Variants in RANBP17 observed in about 807,000 individuals in gnomAD.
The protein encoded by RANBP17 is ran-binding protein 17.
A neutral mutation model predicts 141.2 loss-of-function variants in RANBP17; 158 were observed. The ratio of observed to expected loss-of-function variants is 1.12; its 90% CI spans 0.98 to 1.28. RANBP17 has a LOEUF of 1.28. RANBP17 is among the 50% of genes most tolerant of loss of function. The probability of loss-of-function intolerance (pLI) is 0.00; values close to 1 mark genes in which losing one functional copy is unlikely to be tolerated. For missense variants in RANBP17, 1,438 were observed against 1,290.7 expected (o/e 1.11, Z -1.75); for synonymous variants, 430 against 450.0 (o/e 0.96, Z 0.56).
At chr5:171,269,399 G>A (rs914309426) in intron 25 of RANBP17, among the ~76,000 whole-genome samples, 1 of 152,158 alleles carries the variant, frequency 6.6e-6, no homozygotes, top group African/African-American at 2.4e-5. Flanking sequence ...CTTCTGAGTC[G>A]GCTGGACTGA....
chr5:171,130,373 A>G (rs906375303), intron 14 of RANBP17, among the ~76,000 whole-genome samples: 2 of 150,852 alleles, frequency 1.3e-5, no homozygotes, highest in African/African-American at 4.9e-5. Flanking sequence ...CCCTGAATAT[A>G]ATGTTTTCTT....
intron 25 of RANBP17, among the ~76,000 whole-genome samples, chr5:171,292,818 T>A (rs554732092): frequency 6.6e-6 from 1 of 152,292 alleles, no homozygotes; most frequent in South Asian, 2.1e-4. Context: ...CAGTACACAT[T>A]CTACATGTCC....
chr5:171,141,334 C>A (rs923372617), intron 14 of RANBP17, among the ~76,000 whole-genome samples: 1 of 151,742 alleles, frequency 6.6e-6, no homozygotes, highest in Non-Finnish European at 1.5e-5. Flanking sequence ...CAGTGCCTCA[C>A]ACCTGTAATC....
chr5:170,901,451 T>C (rs1365570892), intron 5 of RANBP17, among the ~76,000 whole-genome samples: 1 of 152,218 alleles, frequency 6.6e-6, no homozygotes, highest in African/African-American at 2.4e-5. Context: ...TACAGCATAC[T>C]GATGGGTCTT....
chr5:171,202,443 G>A (rs536932747), intron 19 of RANBP17, among the ~76,000 whole-genome samples: 98 of 152,260 alleles, frequency 6.4e-4, no homozygotes, highest in African/African-American at 2.3e-3. Context: ...ATAGGAACCT[G>A]CTATCTTTAG....
Position 171,264,960 on chromosome 5 carries a change from G to A in RANBP17, c.2777-721G>A, listed in dbSNP as rs150709408. Among the ~76,000 whole-genome samples, 147 of 152,198 alleles carry A rather than the reference G, an allele frequency of 9.7e-4. 2 individuals are homozygous for A. In the East Asian group the frequency reaches 0.021, roughly 22 times the overall value. Reference sequence around the variant, plus strand: ...CTTGATCCCCATCTAAATGTGATCCGTCCCTCAAAATCCTCAATTTGTCAT... The same window carrying A: ...CTTGATCCCCATCTAAATGTGATCCATCCCTCAAAATCCTCAATTTGTCAT... On this transcript the variant is annotated intron_variant, in intron 24 of 27. Transcript: ENST00000523189.
intron 7 of RANBP17, among the ~76,000 whole-genome samples, chr5:170,912,330 A>T (rs780307094): frequency 1.3e-5 from 2 of 151,990 alleles, no homozygotes; most frequent in Non-Finnish European, 2.9e-5. Flanking sequence ...TTGAGATATT[A>T]TACTGTAGTT....
chr5:170,967,453 C>T (rs887749058), intron 13 of RANBP17, among the ~76,000 whole-genome samples: 7 of 151,876 alleles, frequency 4.6e-5, no homozygotes, highest in Non-Finnish European at 1.0e-4. Flanking sequence ...ATTTTGTTAG[C>T]ACAAGGTACT....
At chr5:171,044,388 T>A (rs1174727159) in intron 14 of RANBP17, among the ~76,000 whole-genome samples, 2 of 152,030 alleles carry the variant, frequency 1.3e-5, no homozygotes, top group Non-Finnish European at 2.9e-5. Context: ...GAAGAATTTT[T>A]TATGTTGGAA....
At chr5:171,064,624 G>A (rs899645375) in intron 14 of RANBP17, among the ~76,000 whole-genome samples, 5 of 152,132 alleles carry the variant, frequency 3.3e-5, no homozygotes, top group Non-Finnish European at 5.9e-5. Context: ...AGCCTTCCAA[G>A]GAGCTGGGAC....
At chr5:171,021,139 C>T (rs951179637) in intron 14 of RANBP17, among the ~76,000 whole-genome samples, 5 of 152,140 alleles carry the variant, frequency 3.3e-5, no homozygotes, top group Admixed American at 1.3e-4. Context: ...CAGAGAGATT[C>T]GCTGTTGGTT....
In RANBP17 at chr5:170,892,483, G is replaced by T. The variant is rs1259220071; in HGVS notation, c.353G>T (p.Gly118Val). Reference sequence around the variant, plus strand: ...GTCATTGCTAAAATCACTAAGTTGGGGTGGTTTGAGGTTCAGAAAGACCAA... The same window carrying T: ...GTCATTGCTAAAATCACTAAGTTGGTGTGGTTTGAGGTTCAGAAAGACCAA... ...IQVIAKITKL[G>V]WFEVQKDQFV... Residue 118 changes from glycine to valine, a missense_variant, in exon 4 of 28, where the codon GGG becomes GTG. Coordinates refer to ENST00000523189, the MANE Select transcript of RANBP17 (RefSeq NM_022897.5). 1 of 1,613,866 alleles carries T rather than the reference G, an allele frequency of 6.2e-7. No individual in the cohort carries two copies. The highest frequency in any genetic ancestry group is 8.5e-7 in the Non-Finnish European group (1 of 1,179,874).
intron 18 of RANBP17, 109 bp from the exon 19 acceptor site, chr5:171,199,561 T>C: frequency 1.7e-6 from 1 of 591,354 alleles, no homozygotes; most frequent in Non-Finnish European, 2.9e-6. Context: ...GAATGCAGGC[T>C]GACCCCTTCT....
At chr5:171,223,011 G>A (rs1763667125) in intron 22 of RANBP17, among the ~76,000 whole-genome samples, 9 of 152,062 alleles carry the variant, frequency 5.9e-5, no homozygotes, top group Admixed American at 5.9e-4. Flanking sequence ...ATGTGTTTGT[G>A]TATGTATGTA....
At chr5:171,066,007 C>G (rs1195971007) in intron 14 of RANBP17, among the ~76,000 whole-genome samples, 3 of 151,736 alleles carry the variant, frequency 2.0e-5, no homozygotes, top group Non-Finnish European at 2.9e-5. Flanking sequence ...ATTACAGACG[C>G]CCACCACCAT....
intron 14 of RANBP17, among the ~76,000 whole-genome samples, chr5:171,080,244 AACACACACACAC>A (rs5873252): frequency 2.0e-5 from 3 of 147,794 alleles, no homozygotes; most frequent in Non-Finnish European, 3.0e-5. Flanking sequence ...ACACACACAA[AACACACACACAC>A]ACACACACAC....
At position 171,069,925 on chromosome 5, in the gene RANBP17, A is replaced by G. The variant is rs1300263965; in HGVS notation, c.1711-100205A>G. 2.0e-5 allele frequency among the ~76,000 whole-genome samples: 3 copies of G among 152,170 alleles called. No homozygotes were observed. In the East Asian group the frequency reaches 5.8e-4, roughly 29 times the overall value. On this transcript the variant is annotated intron_variant, in intron 14 of 27. Transcript: ENST00000523189. ...TGCTGTTGAAATCTAACCTTCTAAA[A>G]ACGGTCTGCCAAACCTGCATCTGCT...
At chr5:171,147,339 TTGTGTGTGTGTGTGTGTG>T (rs59202388) in intron 14 of RANBP17, among the ~76,000 whole-genome samples, 1 of 104,854 alleles carries the variant, frequency 9.5e-6, no homozygotes, top group Admixed American at 1.1e-4. Context: ...CTTGGTTGTT[TTGTGTGTGTGTGTGTGTG>T]TGTGTGTGTG....
chr5:171,058,407 C>T lies in RANBP17; in HGVS notation c.1710+90030C>T, dbSNP rs191164384. Among the ~76,000 whole-genome samples, 443 of 147,782 alleles carry T rather than the reference C, an allele frequency of 3.0e-3. 4 individuals carry two copies. The highest frequency in any genetic ancestry group is 0.01 in the African/African-American group (410 of 39,996). The stretch of plus-strand genomic sequence containing the variant: ...ATTCCCGCCCATGAGTGAGAACATG[C>T]GGTGTTTGGTTTTTTGTCCTTGTGA... On this transcript the variant is annotated intron_variant, in intron 14 of 27. Transcript: ENST00000523189.
Sources: gnomAD v4.1 joint callset for allele counts (sites outside exome capture counted in the v4.1 genomes callset) on GRCh38, gnomAD v4.1.1 for gene constraint, MANE v1.5 for transcripts, NCBI Gene and HGNC (gene_info 2026-07-23, HGNC 2026-07-21) for gene names.